SORL1: variants seen among roughly 807,000 people sequenced by gnomAD.
The protein encoded by SORL1 is sortilin related receptor 1, also known as sortilin-related receptor.
SORL1 carries 127 observed loss-of-function variants against 273.7 expected under a neutral mutation model. That is an observed-to-expected ratio of 0.46 (90% CI 0.40 to 0.54). The LOEUF is 0.54. Among genes scored for constraint, SORL1 ranks in the 20% least tolerant of loss-of-function variants. The pLI is 0.00. For missense variants in SORL1, 2,494 were observed against 2,846.1 expected (o/e 0.88, Z 2.81); for synonymous variants, 1,031 against 1,067.4 (o/e 0.97, Z 0.66).
chr11:121,509,393 C>T (rs1861839006), intron 6 of SORL1, among the ~76,000 whole-genome samples: 1 of 152,122 alleles, frequency 6.6e-6, no homozygotes, highest in Admixed American at 6.5e-5. Context: ...CTCCTTGATC[C>T]TCCGTTTCTT....
intron 37 of SORL1, among the ~76,000 whole-genome samples, chr11:121,607,622 T>C (rs1423977636): frequency 6.6e-6 from 1 of 152,254 alleles, no homozygotes; most frequent in African/African-American, 2.4e-5. Flanking sequence ...TGCAGGATGA[T>C]GCAGAGCTAT....
chr11:121,587,273 G>A (rs575404182), intron 27 of SORL1, among the ~76,000 whole-genome samples: 1 of 152,296 alleles, frequency 6.6e-6, no homozygotes, highest in African/African-American at 2.4e-5. Context: ...AGGCTGGCAA[G>A]TCCCAAATTT....
Position 121,558,802 on chromosome 11 carries a change from A to G in SORL1, c.2875A>G (p.Asn959Asp). 3 of 1,614,172 alleles carry G rather than the reference A, an allele frequency of 1.9e-6. No homozygotes were observed. The highest frequency in any genetic ancestry group is 2.5e-6 in the Non-Finnish European group (3 of 1,180,034). ...SGQQRSVILD[N>D]LPHPYAIAVF... Reference sequence around the variant, plus strand: ...CCAGCAGCGCTCTGTCATTCTGGACAACCTCCCGCACCCCTATGCCATTGC... The same window carrying G: ...CCAGCAGCGCTCTGTCATTCTGGACGACCTCCCGCACCCCTATGCCATTGC... Residue 959 changes from asparagine (N) to aspartate (D), a missense_variant, in exon 20 of 48, where the codon AAC becomes GAC. By Grantham distance (23) the Asn-to-Asp change is conservative. Coordinates refer to ENST00000260197, the MANE Select transcript of SORL1 (RefSeq NM_003105.6).
intron 14 of SORL1, among the ~76,000 whole-genome samples, chr11:121,548,901 G>A (rs905563620): frequency 2.0e-5 from 3 of 152,170 alleles, no homozygotes; most frequent in African/African-American, 7.2e-5. Flanking sequence ...GCAAATAAAT[G>A]TGTTCTGGTA....
At position 121,527,550 on chromosome 11, in the gene SORL1, G is replaced by A. The variant is rs570521606; in HGVS notation, c.1596+4561G>A. Among the ~76,000 whole-genome samples the A allele has an allele frequency of 4.6e-5, 7 of 152,136 alleles. No individual in the cohort carries two copies. The South Asian group carries it at 1.5e-3, about 32-fold the overall frequency. On this transcript the variant is annotated intron_variant, in intron 11 of 47. Coordinates refer to ENST00000260197, the MANE Select transcript of SORL1 (RefSeq NM_003105.6). ...GTAAACCCCTCTTCCTCTTTTTTAG[G>A]ACAAAGTTTGGTGTTATTTTTTCTT...
intron 3 of SORL1, among the ~76,000 whole-genome samples, chr11:121,479,524 G>A (rs1228479905): frequency 2.6e-5 from 4 of 152,142 alleles, no homozygotes; most frequent in Admixed American, 1.3e-4. Flanking sequence ...AATATTTAGC[G>A]ACTGGTGTGG....
At position 121,496,338 on chromosome 11, in the gene SORL1, C is replaced by T. The variant is rs138660440; in HGVS notation, c.759-531C>T. On this transcript the variant is annotated intron_variant, in intron 5 of 47. Coordinates refer to ENST00000260197, the MANE Select transcript of SORL1 (RefSeq NM_003105.6). ...GTTTGTGGAAGAGCCTCATGGGAGA[C>T]GAAATGCACAGGCAGCTCCAGATTG... Among the ~76,000 whole-genome samples, 121 of 152,248 alleles carry T rather than the reference C, an allele frequency of 7.9e-4. 1 individual carries two copies. Among genetic ancestry groups the T allele is most frequent in the African/African-American group, 2.8e-3 (115 of 41,530 alleles).
At position 121,478,002 on chromosome 11, in the gene SORL1, A is replaced by G. The variant is rs1267725597; in HGVS notation, c.403-116A>G. ...AGCTGAGATCGCACCATGGCACTGC[A>G]GCCCGGGCAAAAAGAGTGAAACTCA... On this transcript the variant is annotated intron_variant, in intron 2 of 47. Coordinates refer to ENST00000260197, the MANE Select transcript of SORL1 (RefSeq NM_003105.6). 4 of 1,134,122 alleles carry G rather than the reference A, an allele frequency of 3.5e-6. No homozygotes were observed. The African/African-American group carries it at 6.4e-5, about 18-fold the overall frequency. The allele number at this position is 1,134,122 out of a possible 1,614,324, so 70.3% of individuals were successfully genotyped here.
At chr11:121,461,645 T>C (rs768652848) in intron 1 of SORL1, among the ~76,000 whole-genome samples, 6 of 152,230 alleles carry the variant, frequency 3.9e-5, no homozygotes, top group Non-Finnish European at 7.3e-5. Context: ...CAGTGTCGCC[T>C]CTGGGCTGGA....
At chr11:121,529,913 A>C (rs73595217) in intron 11 of SORL1, among the ~76,000 whole-genome samples, 1,702 of 152,046 alleles carry the variant, frequency 0.011, 23 homozygotes, top group African/African-American at 0.039. Flanking sequence ...CTTTTGTATT[A>C]TCTAGATACA....
chr11:121,537,116 C>T (rs369593402), intron 12 of SORL1, among the ~76,000 whole-genome samples: 13 of 152,050 alleles, frequency 8.5e-5, no homozygotes, highest in South Asian at 2.1e-4. Flanking sequence ...GGAATGTGCA[C>T]GGCTCTTGAG....
Position 121,541,899 on chromosome 11 carries a change from T to G in SORL1, c.1686-1649T>G, listed in dbSNP as rs186799294. Among the ~76,000 whole-genome samples, 651 of 152,360 alleles carry G rather than the reference T, an allele frequency of 4.3e-3. 2 individuals are homozygous for G. Among genetic ancestry groups the G allele is most frequent in the Non-Finnish European group, 6.9e-3 (469 of 68,036 alleles). On this transcript the variant is annotated intron_variant, in intron 12 of 47. Coordinates refer to ENST00000260197, the MANE Select transcript of SORL1 (RefSeq NM_003105.6). ...GGCTGGCTTCCTGCTTCTGTTATAGTCTGTCTTGGAGACTTTCCTCAGTAT... is the reference window on the plus strand; with the variant it reads ...GGCTGGCTTCCTGCTTCTGTTATAGGCTGTCTTGGAGACTTTCCTCAGTAT...
intron 12 of SORL1, among the ~76,000 whole-genome samples, chr11:121,542,491 A>G (rs910962099): frequency 6.6e-6 from 1 of 151,908 alleles, no homozygotes; most frequent in East Asian, 1.9e-4. Context: ...TGGAGCAGTT[A>G]TCGTGTAGAA....
chr11:121,577,755 G>A (rs777613336), intron 25 of SORL1, among the ~76,000 whole-genome samples: 1 of 152,192 alleles, frequency 6.6e-6, no homozygotes, highest in Non-Finnish European at 1.5e-5. Flanking sequence ...TTTTTAAAAT[G>A]GAGCATCAGG....
intron 9 of SORL1, 146 bp from the exon 10 acceptor site, chr11:121,522,440 A>T (rs1862053647): frequency 1.5e-6 from 1 of 678,258 alleles, no homozygotes; most frequent in African/African-American, 1.8e-5. Flanking sequence ...GGGTGTGGGG[A>T]CAGCTGGGCT....
At chr11:121,518,273 C>T (rs1861983454) in intron 8 of SORL1, among the ~76,000 whole-genome samples, 1 of 152,162 alleles carries the variant, frequency 6.6e-6, no homozygotes, top group South Asian at 2.1e-4. Flanking sequence ...GGGAGAAGTG[C>T]CCTGGGGAGG....
chr11:121,472,814 G>C (rs1434163816), intron 2 of SORL1, among the ~76,000 whole-genome samples: 2 of 152,178 alleles, frequency 1.3e-5, no homozygotes, highest in Non-Finnish European at 2.9e-5. Context: ...TGCAAAATTA[G>C]CTGGGTGTGG....
At chr11:121,547,332 G>GT (rs143897614) in intron 14 of SORL1, among the ~76,000 whole-genome samples, 48,298 of 121,832 alleles carry the variant, frequency 0.4, 9,167 homozygotes, top group Middle Eastern at 0.55. Flanking sequence ...AATCTTTGGG[G>GT]TTTTTTTTTT....
At chr11:121,478,827 T>C (rs551605651) in intron 3 of SORL1, among the ~76,000 whole-genome samples, 65 of 151,956 alleles carry the variant, frequency 4.3e-4, no homozygotes, top group Middle Eastern at 3.2e-3. Context: ...TGCGTGTAGT[T>C]ACTTGTGTGC....
Sources: allele counts gnomAD v4.1 joint callset (sites outside exome capture counted in the v4.1 genomes callset), GRCh38; gene constraint gnomAD v4.1.1; transcripts MANE v1.5; gene names NCBI Gene and HGNC (gene_info 2026-07-23, HGNC 2026-07-21).